The following LRTM1 variants were observed in gnomAD, a reference collection of about 807,000 sequenced individuals.
LRTM1 encodes the protein leucine-rich repeat and transmembrane domain-containing protein 1.
Under a neutral mutation model 32.4 loss-of-function variants are expected in LRTM1, and 38 were observed. The observed-to-expected ratio is 1.17, with a 90% CI of 0.91 to 1.54. LRTM1 has a LOEUF of 1.54. Among genes scored for constraint, LRTM1 ranks in the 40% most tolerant of loss-of-function variants. LRTM1 has a pLI of 0.00. For synonymous variants in LRTM1, 186 were observed against 169.9 expected (o/e 1.09, Z -0.74); for missense variants, 466 against 415.4 (o/e 1.12, Z -1.06).
intron 1 of LRTM1, among the ~76,000 whole-genome samples, chr3:54,955,154 G>A (rs924164489): frequency 2.6e-5 from 4 of 152,166 alleles, no homozygotes; most frequent in African/African-American, 9.7e-5. Context: ...ACCCAGTGGG[G>A]TACAGAAGCT....
chr3:54,936,594 ATCTTT>A (rs1283466242), intron 1 of LRTM1, among the ~76,000 whole-genome samples: 4 of 152,122 alleles, frequency 2.6e-5, no homozygotes, highest in Non-Finnish European at 5.9e-5. Context: ...TGATGTTCTC[ATCTTT>A]TCTTTTAATT....
chr3:54,952,372 C>T (rs535857024), intron 1 of LRTM1, among the ~76,000 whole-genome samples: 4 of 152,194 alleles, frequency 2.6e-5, no homozygotes, highest in South Asian at 4.1e-4. Context: ...AGAGGGAGGC[C>T]GCAAACATGA....
chr3:54,954,112 A>G (rs1274451827), intron 1 of LRTM1, among the ~76,000 whole-genome samples: 1 of 152,170 alleles, frequency 6.6e-6, no homozygotes, highest in African/African-American at 2.4e-5. Context: ...ACCTGAGGCC[A>G]AAGAGAGAGG....
At chr3:54,959,624 GAGCTATAACTTGGA>G (rs1701983427) in intron 1 of LRTM1, among the ~76,000 whole-genome samples, 1 of 152,048 alleles carries the variant, frequency 6.6e-6, no homozygotes, top group Admixed American at 6.6e-5. Context: ...ATTAACTAGG[GAGCTATAACTTGGA>G]AGCTTATAAT....
intron 1 of LRTM1, among the ~76,000 whole-genome samples, chr3:54,955,334 A>G (rs1465520492): frequency 1.3e-5 from 2 of 152,134 alleles, no homozygotes; most frequent in Non-Finnish European, 2.9e-5. Context: ...TCTCAGAAGA[A>G]CAGATGAAAA....
chr3:54,937,829 A>G (rs1665936314), intron 1 of LRTM1, among the ~76,000 whole-genome samples: 1 of 152,130 alleles, frequency 6.6e-6, no homozygotes, highest in Non-Finnish European at 1.5e-5. Flanking sequence ...GGGCATGATC[A>G]CAGCACAGAG....
At chr3:54,963,585 G>A (rs1371392463) in intron 1 of LRTM1, among the ~76,000 whole-genome samples, 2 of 152,186 alleles carry the variant, frequency 1.3e-5, no homozygotes, top group African/African-American at 4.8e-5. Context: ...CAGGATCAGA[G>A]CATTCAAGGT....
intron 1 of LRTM1, among the ~76,000 whole-genome samples, chr3:54,935,646 T>C (rs1176862060): frequency 6.6e-6 from 1 of 152,342 alleles, no homozygotes; most frequent in Non-Finnish European, 1.5e-5. Context: ...AATGAGTGTT[T>C]TTTGCAGTTC....
intron 1 of LRTM1, among the ~76,000 whole-genome samples, chr3:54,946,093 A>G (rs1248127701): frequency 6.6e-6 from 1 of 152,250 alleles, no homozygotes; most frequent in African/African-American, 2.4e-5. Context: ...CTAAGGAAAT[A>G]AAAAGCAGTA....
chr3:54,924,942 A>G lies in LRTM1; in HGVS notation c.281T>C (p.Phe94Ser), dbSNP rs1274921219. ...AACCTGCAAGTGCTGAAGCCCATGG[A>G]AAGCTCCAGGGGCCAGATTTGAAAG... ...NSLSNLAPGAFHGLQHLQVLN... is the reference protein window; with the variant it reads ...NSLSNLAPGASHGLQHLQVLN... The change falls in exon 2 of 3, where the codon TTC becomes TCC. Residue 94 changes from phenylalanine to serine, a missense_variant. Transcript: ENST00000273286. 6.2e-7 allele frequency: 1 copy of G among 1,612,098 alleles called. No homozygotes were observed. The highest frequency in any genetic ancestry group is 1.3e-5 in the African/African-American group (1 of 74,994).
intron 1 of LRTM1, among the ~76,000 whole-genome samples, chr3:54,950,170 A>G (rs1515955): frequency 0.45 from 69,009 of 152,072 alleles, 16,522 homozygotes; most frequent in East Asian, 0.75. Flanking sequence ...AACTATTTCC[A>G]TACAGCCGAG....
upstream of LRTM1, among the ~76,000 whole-genome samples, chr3:54,928,676 C>T (rs1448765103): frequency 1.3e-5 from 2 of 152,068 alleles, no homozygotes; most frequent in African/African-American, 4.8e-5. Flanking sequence ...CAGCTGCTTG[C>T]TTGCTTGCTT....
In LRTM1 at chr3:54,927,937, C is replaced by T. The variant is rs1701073210; in HGVS notation, c.-26G>A. 6.2e-7 allele frequency: 1 copy of T among 1,613,132 alleles called. No individual in the cohort carries two copies. Among genetic ancestry groups the T allele is most frequent in the Non-Finnish European group, 8.5e-7 (1 of 1,179,182 alleles). ...GACTGAGTCTCCTTGGGCGTCCTTG[C>T]TGACCTCGTAGACCCTTTAATTAAT... On this transcript the variant is annotated 5_prime_UTR_variant, in exon 1 of 3. Transcript: ENST00000273286.
intron 1 of LRTM1, among the ~76,000 whole-genome samples, chr3:54,953,796 C>T (rs1259977995): frequency 2.0e-5 from 3 of 152,072 alleles, no homozygotes; most frequent in Non-Finnish European, 4.4e-5. Flanking sequence ...GAGGGGGGTG[C>T]ACTGCAAGTC....
At chr3:54,950,870 C>A (rs1274209107) in intron 1 of LRTM1, among the ~76,000 whole-genome samples, 1 of 152,082 alleles carries the variant, frequency 6.6e-6, no homozygotes, top group East Asian at 1.9e-4. Flanking sequence ...AAGGCAAGAG[C>A]AGGAGAGGAG....
upstream of LRTM1, among the ~76,000 whole-genome samples, chr3:54,931,228 G>A (rs1024269053): frequency 1.3e-5 from 2 of 152,172 alleles, no homozygotes; most frequent in African/African-American, 4.8e-5. Context: ...CAGAGCTAAT[G>A]GGTTCCTGGC....
Position 54,924,946 on chromosome 3 carries a change from CT to C in LRTM1, c.276del (p.Ala93LeufsTer11). ...TGCAAGTGCTGAAGCCCATGGAAAG[CT>C]CCAGGGGCCAGATTTGAAAGGGAAT... is the stretch of plus-strand genomic sequence containing the variant. ...SNNSLSNLAP[G>X]AFHGLQHLQV... On this transcript the variant is annotated frameshift_variant, in exon 2 of 3. Coordinates refer to ENST00000273286, the MANE Select transcript of LRTM1 (RefSeq NM_020678.4). LOFTEE classifies it high-confidence loss of function. 6.2e-7 allele frequency: 1 copy of C among 1,611,530 alleles called. No homozygotes were observed. The highest frequency in any genetic ancestry group is 8.5e-7 in the Non-Finnish European group (1 of 1,177,762).
At chr3:54,923,715 G>A (rs1306879483) in intron 2 of LRTM1, among the ~76,000 whole-genome samples, 2 of 152,180 alleles carry the variant, frequency 1.3e-5, no homozygotes, top group African/African-American at 2.4e-5. Context: ...GTGAAGTGGA[G>A]GAAAGAATGT....
rs755059950 is a variant in LRTM1, at chr3:54,919,242, C to T, written c.605-350G>A. Among the ~76,000 whole-genome samples, 23 of 152,316 alleles carry T rather than the reference C, an allele frequency of 1.5e-4. No homozygotes were observed. The East Asian group carries it at 2.3e-3, about 15-fold the overall frequency. On this transcript the variant is annotated intron_variant, in intron 2 of 2. Transcript: ENST00000273286. ...ACAGCTGCCCACTGCATTCGTGCCACGCATGGTCCTAGTGAGCCCCACAGA... is the reference window on the plus strand; with the variant it reads ...ACAGCTGCCCACTGCATTCGTGCCATGCATGGTCCTAGTGAGCCCCACAGA...
Sources: gnomAD v4.1 joint callset for allele counts (sites outside exome capture counted in the v4.1 genomes callset) on GRCh38, gnomAD v4.1.1 for gene constraint, MANE v1.5 for transcripts, NCBI Gene and HGNC (gene_info 2026-07-23, HGNC 2026-07-21) for gene names.